The following KATNAL2 variants were observed in gnomAD, a reference collection of about 807,000 sequenced individuals.
KATNAL2 encodes katanin catalytic subunit A1 like 2.
A neutral mutation model predicts 76.3 loss-of-function variants in KATNAL2; 52 were observed. That is an observed-to-expected ratio of 0.68 (90% CI 0.55 to 0.86). The LOEUF (loss-of-function observed/expected upper bound fraction) is 0.86, where lower values mean the gene tolerates loss of function less well. KATNAL2 is among the 40% of genes least tolerant of loss of function. The pLI is 0.00. For missense variants in KATNAL2, 660 were observed against 668.9 expected, an observed-to-expected ratio of 0.99 and a Z score of 0.15; for synonymous variants, 243 against 244.2, an observed-to-expected ratio of 1.00 and a Z score of 0.05.
At chr18:47,066,887 ATATAT>A (rs2061825601) in intron 10 of KATNAL2, 129 bp from the exon 11 acceptor site, 1 of 124,326 alleles carries the variant, frequency 8.0e-6, no homozygotes, top group African/African-American at 3.4e-5. Context: ...ATATATATAT[ATATAT>A]AATATGAACA....
chr18:46,949,427 A>G (rs1198879829), intron 3 of KATNAL2, among the ~76,000 whole-genome samples: 1 of 151,960 alleles, frequency 6.6e-6, no homozygotes, highest in East Asian at 1.9e-4. Context: ...TAAATTTTGT[A>G]TTTTTTGTAG....
intron 3 of KATNAL2, among the ~76,000 whole-genome samples, chr18:47,031,368 A>G (rs983878244): frequency 2.0e-5 from 3 of 151,366 alleles, no homozygotes; most frequent in African/African-American, 7.3e-5. Flanking sequence ...TGTCGTTGGC[A>G]GTTTCGCGTA....
In KATNAL2 at chr18:47,043,226, C is replaced by CAAAAAAAAAAAAAAAA. The variant is rs1195140135; in HGVS notation, c.52-3227_52-3212dup. Among the ~76,000 whole-genome samples, 53 of 41,670 alleles carry CAAAAAAAAAAAAAAAA rather than the reference C, an allele frequency of 1.3e-3. 3 individuals are homozygous for CAAAAAAAAAAAAAAAA. Among genetic ancestry groups the CAAAAAAAAAAAAAAAA allele is most frequent in the South Asian group, 2.5e-3 (3 of 1,208 alleles). 27.3% of individuals were successfully genotyped at this position (41,670 alleles called of 152,430 possible). A position where few individuals can be genotyped will look rare whatever the true frequency, so the allele number is the denominator to read the frequency against. On this transcript the variant is annotated intron_variant, in intron 3 of 17. Coordinates refer to ENST00000683218, the MANE Select transcript of KATNAL2 (RefSeq NM_001387690.1). ...CCGGCGACAGAGCGAGACTCCGTTT[C>CAAAAAAAAAAAAAAAA]AAAAAAAAAAAAAAAAAAAGAGATC...
At chr18:46,960,789 CT>C (rs2059914388) in intron 3 of KATNAL2, among the ~76,000 whole-genome samples, 1 of 152,182 alleles carries the variant, frequency 6.6e-6, no homozygotes, top group South Asian at 2.1e-4. Context: ...CCTAACAAAG[CT>C]TAACAACAAG....
At chr18:46,962,115 T>TC (rs1599493511) in intron 3 of KATNAL2, among the ~76,000 whole-genome samples, 2 of 150,424 alleles carry the variant, frequency 1.3e-5, no homozygotes, top group African/African-American at 5.0e-5. Flanking sequence ...GGATTTTGGC[T>TC]CAGCCCTCTA....
intron 1 of KATNAL2, among the ~76,000 whole-genome samples, chr18:46,918,367 C>T (rs1402478093): frequency 6.6e-6 from 1 of 152,144 alleles, no homozygotes; most frequent in African/African-American, 2.4e-5. Flanking sequence ...TTTAATCAGC[C>T]TCCTACCTAC....
chr18:47,046,165 T>C (rs939203100), intron 3 of KATNAL2, among the ~76,000 whole-genome samples: 10 of 152,178 alleles, frequency 6.6e-5, no homozygotes, highest in African/African-American at 2.2e-4. Flanking sequence ...ATTTGTTTCT[T>C]CACGATTATA....
At chr18:46,960,053 C>A (rs1017241571) in intron 3 of KATNAL2, among the ~76,000 whole-genome samples, 41 of 152,236 alleles carry the variant, frequency 2.7e-4, no homozygotes, top group Non-Finnish European at 5.4e-4. Flanking sequence ...TCTTTTCAAG[C>A]ATTGGATTAT....
At chr18:47,033,720 G>A in intron 3 of KATNAL2, 1 of 1,614,198 alleles carries the variant, frequency 6.2e-7, no homozygotes, top group Non-Finnish European at 8.5e-7. Context: ...TGGAGCCCGA[G>A]TACACCGGCA....
At chr18:46,948,832 G>T (rs1171514983) in intron 3 of KATNAL2, among the ~76,000 whole-genome samples, 1 of 151,910 alleles carries the variant, frequency 6.6e-6, no homozygotes, top group East Asian at 1.9e-4. Context: ...ATATGGGTAG[G>T]ACAATGGATC....
intron 4 of KATNAL2, among the ~76,000 whole-genome samples, chr18:47,048,833 T>A (rs1045767268): frequency 7.3e-6 from 1 of 136,146 alleles, no homozygotes; most frequent in Non-Finnish European, 1.6e-5. Flanking sequence ...AGACTCTTTT[T>A]TTTTTTTTTT....
Position 46,943,871 on chromosome 18 carries a change from T to C in KATNAL2, c.-509-2186T>C, listed in dbSNP as rs73437179. On this transcript the variant is annotated intron_variant, in intron 1 of 17. Transcript: ENST00000683218. ...CCAACTTAGTGAAGCTAACATGCTC[T>C]ATTTTTGTTCCTTCTTCCTGTACTA... is the stretch of plus-strand genomic sequence containing the variant. Among the ~76,000 whole-genome samples the C allele has an allele frequency of 3.8e-3, 579 of 152,380 alleles. 3 individuals carry two copies. The highest frequency in any genetic ancestry group is 0.013 in the African/African-American group (541 of 41,586).
chr18:47,082,493 T>G (rs977338724), intron 15 of KATNAL2, among the ~76,000 whole-genome samples: 1 of 152,004 alleles, frequency 6.6e-6, no homozygotes, highest in African/African-American at 2.4e-5. Context: ...ATTAAAAAAA[T>G]AAAATAAAAT....
chr18:46,946,430 C>G lies in KATNAL2; in HGVS notation c.-136C>G, dbSNP rs2059382707. ...TTCAAAGAAAAGCAGAATAGATTTC[C>G]AAACCTTTACCCTAATCCAGGGAGG... On this transcript the variant is annotated 5_prime_UTR_variant, in exon 2 of 18. Coordinates refer to ENST00000683218, the MANE Select transcript of KATNAL2 (RefSeq NM_001387690.1). 1 of 985,276 alleles carries G rather than the reference C, an allele frequency of 1.0e-6. No homozygotes were observed. The highest frequency in any genetic ancestry group is 6.2e-5 in the Admixed American group (1 of 16,248). 61.0% of individuals were successfully genotyped at this position (985,276 alleles called of 1,614,324 possible). A position where few individuals can be genotyped will look rare whatever the true frequency, so the allele number is the denominator to read the frequency against.
chr18:46,941,517 A>AAAAAAT, intron 1 of KATNAL2, among the ~76,000 whole-genome samples: 1 of 152,256 alleles, frequency 6.6e-6, no homozygotes, highest in African/African-American at 2.4e-5. Flanking sequence ...GAGGAAAAGC[A>AAAAAAT]AAAAATAAAA....
chr18:47,046,710 G>A (rs925079959), intron 4 of KATNAL2, among the ~76,000 whole-genome samples, 183 bp downstream of exon 4: 9 of 152,102 alleles, frequency 5.9e-5, no homozygotes, highest in Non-Finnish European at 1.2e-4. Context: ...CTCTCCCAGT[G>A]ACATCTGTAT....
chr18:47,082,788 G>T (rs1325116978), intron 15 of KATNAL2, among the ~76,000 whole-genome samples: 2 of 152,064 alleles, frequency 1.3e-5, no homozygotes, highest in African/African-American at 4.8e-5. Flanking sequence ...GTATCTTTGG[G>T]GTAGGTTCCT....
intron 10 of KATNAL2, among the ~76,000 whole-genome samples, chr18:47,066,464 G>C (rs1051211106): frequency 2.6e-5 from 4 of 152,178 alleles, no homozygotes; most frequent in African/African-American, 9.7e-5. Flanking sequence ...AGAAGCAATT[G>C]CTCCTGCTGG....
At chr18:47,040,350 A>G (rs1015860370) in intron 3 of KATNAL2, among the ~76,000 whole-genome samples, 2 of 152,232 alleles carry the variant, frequency 1.3e-5, no homozygotes, top group African/African-American at 4.8e-5. Flanking sequence ...GTGGTTGTGC[A>G]GGGTATGGAT....
Sources: gnomAD v4.1 joint callset for allele counts (sites outside exome capture counted in the v4.1 genomes callset) on GRCh38, gnomAD v4.1.1 for gene constraint, MANE v1.5 for transcripts, NCBI Gene and HGNC (gene_info 2026-07-23, HGNC 2026-07-21) for gene names.